The following PCDHA5 variants were observed in gnomAD, a reference collection of about 807,000 sequenced individuals.
PCDHA5 encodes protocadherin alpha-5.
In PCDHA5, 43 loss-of-function variants were observed where a neutral mutation model predicts 61.6. The observed-to-expected ratio is 0.70, with a 90% confidence interval of 0.55 to 0.90. The LOEUF (loss-of-function observed/expected upper bound fraction) is 0.90. PCDHA5 is among the 40% of genes least tolerant of loss of function. The pLI is 0.00. For missense variants in PCDHA5, 1,298 were observed against 1,222.7 expected (o/e 1.06, Z -0.92); for synonymous variants, 627 against 543.9 (o/e 1.15, Z -2.13).
chr5:140,912,889 G>T (rs782116758), intron 1 of PCDHA5, among the ~76,000 whole-genome samples: 8 of 152,140 alleles, frequency 5.3e-5, no homozygotes, highest in Non-Finnish European at 1.2e-4. Context: ...TCATTCTGTT[G>T]ATATGATGTA....
intron 1 of PCDHA5, chr5:140,927,060 CT>C: frequency 1.2e-6 from 2 of 1,611,446 alleles, no homozygotes; most frequent in Non-Finnish European, 1.7e-6. Context: ...GGAACTTTCG[CT>C]TCCTTTCCAG....
intron 1 of PCDHA5, among the ~76,000 whole-genome samples, chr5:140,954,333 G>C (rs1554221356): frequency 1.3e-5 from 2 of 152,140 alleles, no homozygotes; most frequent in African/African-American, 4.8e-5. Flanking sequence ...TGGTATTTCT[G>C]CCTCTAGATC....
chr5:140,843,238 A>C (rs1778702476), intron 1 of PCDHA5: 1 of 1,595,718 alleles, frequency 6.3e-7, no homozygotes, highest in Admixed American at 1.7e-5. Context: ...TCCTGGACGA[A>C]GCGGACTCTC....
intron 1 of PCDHA5, among the ~76,000 whole-genome samples, chr5:140,840,557 C>A (rs1199062901): frequency 2.6e-5 from 4 of 151,962 alleles, no homozygotes; most frequent in Non-Finnish European, 5.9e-5. Context: ...GGCAATACTG[C>A]TAGAGTTTGG....
intron 1 of PCDHA5, among the ~76,000 whole-genome samples, chr5:140,893,927 T>C (rs1251170255): frequency 1.3e-5 from 2 of 152,212 alleles, no homozygotes; most frequent in Non-Finnish European, 2.9e-5. Flanking sequence ...TTTCAGAATC[T>C]CTACCTGTTA....
intron 3 of PCDHA5, among the ~76,000 whole-genome samples, chr5:141,000,512 CCTT>C (rs1340468179): frequency 2.1e-5 from 3 of 144,282 alleles, no homozygotes; most frequent in Non-Finnish European, 4.5e-5. Context: ...ACTGCAACCT[CCTT>C]CTCCAGGGTT....
intron 1 of PCDHA5, among the ~76,000 whole-genome samples, chr5:140,956,765 C>T (rs2095308216): frequency 6.6e-6 from 1 of 152,134 alleles, no homozygotes; most frequent in Non-Finnish European, 1.5e-5. Flanking sequence ...AGCTGTAAAT[C>T]TGTCTGGTCC....
chr5:140,910,274 G>A (rs1185029668), intron 1 of PCDHA5, among the ~76,000 whole-genome samples: 1 of 152,030 alleles, frequency 6.6e-6, no homozygotes, highest in Non-Finnish European at 1.5e-5. Flanking sequence ...TCACTTCTAG[G>A]AACACCATGA....
intron 1 of PCDHA5, chr5:140,857,682 G>T (rs1554150517): frequency 2.5e-6 from 4 of 1,596,980 alleles, no homozygotes; most frequent in Middle Eastern, 1.8e-4. Context: ...CCGCCTCTGG[G>T]CAGCAACTTG....
intron 1 of PCDHA5, chr5:140,828,088 T>G (rs2150150812): frequency 1.3e-6 from 2 of 1,592,494 alleles, no homozygotes; most frequent in Admixed American, 3.5e-5. Context: ...CAGAGGTATT[T>G]GACATGGTGT....
At chr5:140,979,690 A>G (rs2096860224) in intron 2 of PCDHA5, among the ~76,000 whole-genome samples, 1 of 152,252 alleles carries the variant, frequency 6.6e-6, no homozygotes, top group Non-Finnish European at 1.5e-5. Context: ...ATTAACTACC[A>G]TTATTTCTGG....
intron 1 of PCDHA5, chr5:140,841,784 G>A (rs1777488668): frequency 6.2e-7 from 1 of 1,613,812 alleles, no homozygotes; most frequent in African/African-American, 1.3e-5. Context: ...GTTTCCGCTA[G>A]AGGGCGCGTC....
intron 1 of PCDHA5, chr5:140,857,477 T>A (rs1562523780): frequency 1.3e-6 from 2 of 1,598,544 alleles, no homozygotes; most frequent in Admixed American, 1.7e-5. Context: ...CTTCACGGTG[T>A]CTGCGTGGGA....
Position 140,829,328 on chromosome 5 carries a change from C to G in PCDHA5, c.2352+5201C>G, listed in dbSNP as rs2150165969. 2.5e-6 allele frequency: 4 copies of G among 1,614,244 alleles called. No individual in the cohort carries two copies. In the Admixed American group the frequency reaches 6.7e-5, roughly 27 times the overall value. ...CTACTCGTTGGTGCTGGACAGTGCC[C>G]TGGACCGCGAGAGCGTGTCGGCCTA... On this transcript the variant is annotated intron_variant, in intron 1 of 3. Coordinates refer to ENST00000529859, the MANE Select transcript of PCDHA5 (RefSeq NM_018908.3).
At chr5:140,911,396 G>C (rs1348303429) in intron 1 of PCDHA5, among the ~76,000 whole-genome samples, 1 of 152,104 alleles carries the variant, frequency 6.6e-6, no homozygotes, top group Non-Finnish European at 1.5e-5. Context: ...TTTCATTGCA[G>C]GTCAGCCACT....
At chr5:140,979,159 T>C in intron 2 of PCDHA5, 152 bp downstream of exon 2, 4 of 1,426,630 alleles carry the variant, frequency 2.8e-6, no homozygotes, top group Non-Finnish European at 3.7e-6. Flanking sequence ...CCATGTTTAT[T>C]CCTTGAAAGA....
intron 1 of PCDHA5, among the ~76,000 whole-genome samples, chr5:140,964,743 T>C (rs1373954630): frequency 6.7e-6 from 1 of 150,048 alleles, no homozygotes; most frequent in Non-Finnish European, 1.5e-5. Flanking sequence ...ACAGAATTAT[T>C]GTAGGGATGT....
intron 1 of PCDHA5, among the ~76,000 whole-genome samples, chr5:140,885,554 A>G (rs1025656025): frequency 5.3e-5 from 8 of 152,140 alleles, no homozygotes; most frequent in African/African-American, 1.9e-4. Context: ...TGTTATTTCT[A>G]CGAAATTGAT....
At chr5:140,901,199 A>T (rs1554189641) in intron 1 of PCDHA5, among the ~76,000 whole-genome samples, 4 of 152,106 alleles carry the variant, frequency 2.6e-5, no homozygotes, top group Non-Finnish European at 5.9e-5. Context: ...TTCTGTGCAG[A>T]AGGTTTTTAA....
Sources: allele counts gnomAD v4.1 joint callset (sites outside exome capture counted in the v4.1 genomes callset), GRCh38; gene constraint gnomAD v4.1.1; transcripts MANE v1.5; gene names NCBI Gene and HGNC (gene_info 2026-07-23, HGNC 2026-07-21).